Variants in BBS9 observed in about 807,000 individuals in gnomAD.
The protein encoded by BBS9 is Bardet-Biedl syndrome 9, also known as protein PTHB1.
Under a neutral mutation model 117.7 loss-of-function variants are expected in BBS9, and 89 were observed. The observed-to-expected ratio is 0.76, with a 90% CI of 0.64 to 0.90. BBS9 has a LOEUF of 0.90. Among genes scored for constraint, BBS9 ranks in the 40% least tolerant of loss-of-function variants. The pLI is 0.00. For missense variants in BBS9, 982 were observed against 1,042.2 expected (o/e 0.94, Z 0.80); for synonymous variants, 379 against 370.9 (o/e 1.02, Z -0.25).
At chr7:33,501,587 A>C (rs145241230) in intron 19 of BBS9, among the ~76,000 whole-genome samples, 2 of 152,238 alleles carry the variant, frequency 1.3e-5, no homozygotes, top group Non-Finnish European at 2.9e-5. Flanking sequence ...TCATTCTTCC[A>C]TAACAGCTGT....
chr7:33,363,784 T>A (rs532758599), intron 16 of BBS9, among the ~76,000 whole-genome samples: 2 of 152,138 alleles, frequency 1.3e-5, no homozygotes, highest in African/African-American at 4.8e-5. Flanking sequence ...CAAGACTACT[T>A]CTACATCAGC....
chr7:33,344,077 A>ATTT (rs1817085198), intron 11 of BBS9, among the ~76,000 whole-genome samples: 1 of 105,118 alleles, frequency 9.5e-6, no homozygotes, highest in African/African-American at 3.9e-5. Flanking sequence ...TTAGGGGATG[A>ATTT]GTTTTTTTTT....
chr7:33,466,077 T>A (rs142879596), intron 19 of BBS9, among the ~76,000 whole-genome samples: 1 of 152,106 alleles, frequency 6.6e-6, no homozygotes, highest in Non-Finnish European at 1.5e-5. Flanking sequence ...TATATATATA[T>A]ATACACACAT....
chr7:33,220,356 T>G (rs1014067896), intron 5 of BBS9, among the ~76,000 whole-genome samples: 7 of 152,204 alleles, frequency 4.6e-5, no homozygotes, highest in African/African-American at 1.7e-4. Context: ...TGCTGCTGAT[T>G]CTTTTTGACT....
chr7:33,398,492 A>G (rs1237357986), intron 19 of BBS9, among the ~76,000 whole-genome samples: 1 of 152,222 alleles, frequency 6.6e-6, no homozygotes, highest in Non-Finnish European at 1.5e-5. Context: ...AGCAATATAC[A>G]AAGCTCTTTC....
intron 7 of BBS9, among the ~76,000 whole-genome samples, chr7:33,266,933 TG>T (rs1341221296): frequency 6.6e-6 from 1 of 152,084 alleles, no homozygotes; most frequent in Non-Finnish European, 1.5e-5. Flanking sequence ...TTAGTACAGA[TG>T]GGGTTTTGCC....
At chr7:33,572,561 A>G (rs1200867133) in intron 21 of BBS9, among the ~76,000 whole-genome samples, 1 of 152,110 alleles carries the variant, frequency 6.6e-6, no homozygotes, top group East Asian at 1.9e-4. Flanking sequence ...TCCCACCAAC[A>G]GTGTACAAAC....
chr7:33,207,442 A>G (rs186269178), intron 5 of BBS9, among the ~76,000 whole-genome samples: 8 of 151,886 alleles, frequency 5.3e-5, no homozygotes, highest in Admixed American at 3.3e-4. Flanking sequence ...TTTTAATTCA[A>G]TACTGAACCT....
At chr7:33,392,829 A>G (rs774660030) in intron 19 of BBS9, among the ~76,000 whole-genome samples, 21 of 152,152 alleles carry the variant, frequency 1.4e-4, no homozygotes, top group Non-Finnish European at 2.8e-4. Flanking sequence ...CTCTGAAGAT[A>G]ATTTATCTGA....
intron 5 of BBS9, among the ~76,000 whole-genome samples, chr7:33,223,347 A>G (rs940319723): frequency 3.3e-5 from 5 of 152,214 alleles, no homozygotes; most frequent in Non-Finnish European, 7.3e-5. Flanking sequence ...TTTCAAGTAT[A>G]TGGTACACTA....
At chr7:33,358,017 G>A (rs1239230008) in intron 16 of BBS9, 22 bp downstream of exon 16, 2 of 1,607,338 alleles carry the variant, frequency 1.2e-6, no homozygotes, top group Non-Finnish European at 1.7e-6. Context: ...GAAATAACAT[G>A]CCTGCAGCAT....
intron 21 of BBS9, among the ~76,000 whole-genome samples, chr7:33,598,410 T>C (rs1365760640): frequency 1.3e-5 from 2 of 152,052 alleles, no homozygotes; most frequent in Admixed American, 1.3e-4. Context: ...AAAGGAGACG[T>C]GACAATGAAT....
At chr7:33,618,940 G>A (rs1323340493) in intron 21 of BBS9, among the ~76,000 whole-genome samples, 6 of 151,974 alleles carry the variant, frequency 3.9e-5, no homozygotes, top group South Asian at 2.1e-4. Context: ...AGAAGACAGC[G>A]AGAGAGGAAG....
intron 9 of BBS9, among the ~76,000 whole-genome samples, chr7:33,283,950 C>T (rs548485324): frequency 1.6e-4 from 24 of 152,250 alleles, no homozygotes; most frequent in Admixed American, 7.2e-4. Context: ...AAGCCCCTAA[C>T]GGCCCCTGTC....
At chr7:33,586,267 G>A (rs942321534) in intron 21 of BBS9, among the ~76,000 whole-genome samples, 8 of 152,010 alleles carry the variant, frequency 5.3e-5, no homozygotes, top group South Asian at 4.2e-4. Context: ...AGACATACAA[G>A]CAGCCAACAA....
chr7:33,445,922 A>G (rs1048246330), intron 19 of BBS9, among the ~76,000 whole-genome samples: 2 of 152,168 alleles, frequency 1.3e-5, no homozygotes, highest in Non-Finnish European at 2.9e-5. Context: ...TTCCCCAGCC[A>G]TGTGGAACTG....
intron 12 of BBS9, among the ~76,000 whole-genome samples, chr7:33,347,162 C>CA (rs1195666848): frequency 6.6e-6 from 1 of 152,032 alleles, no homozygotes; most frequent in Non-Finnish European, 1.5e-5. Flanking sequence ...TGGTACCTGT[C>CA]AAACATTTTT....
intron 9 of BBS9, among the ~76,000 whole-genome samples, chr7:33,319,450 A>G (rs1020746676): frequency 1.3e-5 from 2 of 152,186 alleles, no homozygotes; most frequent in African/African-American, 4.8e-5. Context: ...TTCTACTTTA[A>G]GTTCTTTAAG....
intron 9 of BBS9, among the ~76,000 whole-genome samples, chr7:33,333,447 A>T (rs1032574846): frequency 6.6e-6 from 1 of 152,084 alleles, no homozygotes; most frequent in Non-Finnish European, 1.5e-5. Flanking sequence ...TTATCCACTC[A>T]TTGGTTGATG....
Sources: gnomAD v4.1 joint callset for allele counts (sites outside exome capture counted in the v4.1 genomes callset) on GRCh38, gnomAD v4.1.1 for gene constraint, MANE v1.5 for transcripts, NCBI Gene and HGNC (gene_info 2026-07-23, HGNC 2026-07-21) for gene names.